The following FAM72D variants were observed in gnomAD, a reference collection of about 807,000 sequenced individuals.
FAM72D encodes the protein RUMY family member 4.
For synonymous variants in FAM72D, 4 were observed against 35.1 expected, an observed-to-expected ratio of 0.11 and a Z score of 3.13; for missense variants, 9 against 104.7, an observed-to-expected ratio of 0.09 and a Z score of 3.99.
chr1:145,107,541 G>A (rs1654984617), intron 3 of FAM72D, among the ~76,000 whole-genome samples: 2 of 126,438 alleles, frequency 1.6e-5, no homozygotes, highest in Non-Finnish European at 3.4e-5. Context: ...GAGTCACCAT[G>A]CCTGGCCTGA....
At chr1:145,102,832 A>T (rs1290040692) in intron 2 of FAM72D, among the ~76,000 whole-genome samples, 175 bp from the exon 3 acceptor site, 2 of 125,274 alleles carry the variant, frequency 1.6e-5, no homozygotes, top group African/African-American at 5.8e-5. Context: ...TCACTTAAAG[A>T]CTGCTTTCCC....
In FAM72D at chr1:145,102,928, CTATT is replaced by C. The variant is rs1205735846; in HGVS notation, c.231-75_231-72del. ...GGAAATGAGATCTAAATTATATGGT[CTATT>C]TATATAAGCAATATGAAAAGACTTA... On this transcript the variant is annotated intron_variant, in intron 2 of 3. Transcript: ENST00000400889. 13 of 495,346 alleles carry C rather than the reference CTATT, an allele frequency of 2.6e-5. No homozygotes were observed. The East Asian group carries it at 4.3e-4, about 16-fold the overall frequency. 30.7% of individuals were successfully genotyped at this position (495,346 alleles called of 1,614,324 possible).
intron 3 of FAM72D, among the ~76,000 whole-genome samples, chr1:145,106,991 C>T (rs1571202223): frequency 2.1e-5 from 2 of 94,224 alleles, no homozygotes; most frequent in Non-Finnish European, 4.0e-5. Context: ...GAGGCCAAGA[C>T]AGATGATCAC....
intron 3 of FAM72D, among the ~76,000 whole-genome samples, chr1:145,107,246 C>CTT (rs71270754): frequency 8.2e-5 from 11 of 133,398 alleles, no homozygotes; most frequent in African/African-American, 2.4e-4. Context: ...AATACTAATT[C>CTT]TTTTTTTTTT....
chr1:145,105,653 A>C (rs1229365160), intron 3 of FAM72D, among the ~76,000 whole-genome samples: 1 of 149,302 alleles, frequency 6.7e-6, no homozygotes, highest in Non-Finnish European at 1.5e-5. Flanking sequence ...CTCCATCTGA[A>C]AAAAAAAAGG....
chr1:145,100,555 G>A (rs1368467149), intron 2 of FAM72D, among the ~76,000 whole-genome samples: 2 of 134,896 alleles, frequency 1.5e-5, no homozygotes, highest in Non-Finnish European at 3.1e-5. Context: ...GCAGTGGCAC[G>A]ATCTCAGCTT....
chr1:145,100,796 C>T lies in FAM72D; in HGVS notation c.230+1731C>T, dbSNP rs140348205. On this transcript the variant is annotated intron_variant, in intron 2 of 3. Coordinates refer to ENST00000400889, the MANE Select transcript of FAM72D (RefSeq NM_207418.3). The stretch of plus-strand genomic sequence containing the variant: ...CGTGAGCCACCGCACCCAGCCCACC[C>T]GGCTAATTTTTGTATTTTTAGTAGA... 5.0e-3 allele frequency among the ~76,000 whole-genome samples: 749 copies of T among 150,844 alleles called. 20 individuals are homozygous for T. The highest frequency in any genetic ancestry group is 7.8e-3 in the Non-Finnish European group (531 of 67,906).
Position 145,104,430 on chromosome 1 carries a change from CA to C in FAM72D, c.355+1303del, listed in dbSNP as rs587761226. Among the ~76,000 whole-genome samples, 130 of 148,942 alleles carry C rather than the reference CA, an allele frequency of 8.7e-4. 1 individual carries two copies. The highest frequency in any genetic ancestry group is 3.1e-3 in the African/African-American group (122 of 39,024). On this transcript the variant is annotated intron_variant, in intron 3 of 3. Coordinates refer to ENST00000400889, the MANE Select transcript of FAM72D (RefSeq NM_207418.3). The stretch of plus-strand genomic sequence containing the variant: ...ATTTTACACATAGTAGAACCTCTTT[CA>C]AAATTGGAGTCAATCCTCTCAAATT...
chr1:145,100,847 G>A (rs1401785767), intron 2 of FAM72D, among the ~76,000 whole-genome samples: 1 of 150,374 alleles, frequency 6.7e-6, no homozygotes, highest in East Asian at 2.0e-4. Context: ...TGTTAGCCAG[G>A]CTGGTCTCAA....
upstream of FAM72D, chr1:145,095,085 GA>G (rs2102523335): frequency 8.3e-7 from 1 of 1,198,854 alleles, no homozygotes; most frequent in South Asian, 1.6e-5. Flanking sequence ...CGGTCTGAGG[GA>G]TTCCGGGCGG....
intron 3 of FAM72D, among the ~76,000 whole-genome samples, chr1:145,107,634 C>T (rs1204895210): frequency 3.8e-5 from 3 of 79,014 alleles, no homozygotes; most frequent in African/African-American, 1.5e-4. Context: ...CTCGGCTCAC[C>T]GCAACCTCCA....
intron 3 of FAM72D, among the ~76,000 whole-genome samples, chr1:145,105,879 G>A (rs1322032737): frequency 7.0e-6 from 1 of 142,996 alleles, no homozygotes; most frequent in Non-Finnish European, 1.5e-5. Flanking sequence ...TTGAACCCGG[G>A]AGGCGGAGGT....
intron 3 of FAM72D, among the ~76,000 whole-genome samples, chr1:145,107,188 T>C (rs587649958): frequency 7.1e-6 from 1 of 141,108 alleles, no homozygotes; most frequent in Non-Finnish European, 1.5e-5. Flanking sequence ...CCAATTCTTT[T>C]AAAAAAAAAA....
Position 145,106,911 on chromosome 1 carries a change from A to G in FAM72D, c.355+3780A>G, listed in dbSNP as rs1251777970. On this transcript the variant is annotated intron_variant, in intron 3 of 3. Coordinates refer to ENST00000400889, the MANE Select transcript of FAM72D (RefSeq NM_207418.3). ...TGTACAATAAACTAAAGCACAATTGAGGTATGCTTATACTAATTATTTTAG... is the reference window on the plus strand; with the variant it reads ...TGTACAATAAACTAAAGCACAATTGGGGTATGCTTATACTAATTATTTTAG... 1.9e-5 allele frequency among the ~76,000 whole-genome samples: 2 copies of G among 106,524 alleles called. 1 individual carries two copies. The highest frequency in any genetic ancestry group is 3.7e-5 in the Non-Finnish European group (2 of 54,792). 69.9% of individuals were successfully genotyped at this position (106,524 alleles called of 152,430 possible).
At chr1:145,100,471 G>T (rs1235112092) in intron 2 of FAM72D, among the ~76,000 whole-genome samples, 1 of 142,240 alleles carries the variant, frequency 7.0e-6, no homozygotes, top group Admixed American at 7.0e-5. Context: ...ACTGGCCTTT[G>T]GACATTATTT....
At chr1:145,107,387 G>A (rs1274180763) in intron 3 of FAM72D, among the ~76,000 whole-genome samples, 2 of 118,388 alleles carry the variant, frequency 1.7e-5, no homozygotes, top group Non-Finnish European at 3.5e-5. Flanking sequence ...CGAGATTACA[G>A]GCATACGCCC....
chr1:145,105,960 A>C (rs1384485314), intron 3 of FAM72D, among the ~76,000 whole-genome samples: 1 of 150,238 alleles, frequency 6.7e-6, no homozygotes, highest in Non-Finnish European at 1.5e-5. Flanking sequence ...CTCAAAAAAA[A>C]AAAAAAGAAA....
intron 3 of FAM72D, among the ~76,000 whole-genome samples, chr1:145,107,150 A>T (rs1235201247): frequency 1.4e-5 from 2 of 147,990 alleles, no homozygotes; most frequent in Non-Finnish European, 3.0e-5. Context: ...AAAAAAAAAA[A>T]AAATTATTTT....
intron 2 of FAM72D, among the ~76,000 whole-genome samples, chr1:145,102,086 G>A (rs1325186666): frequency 1.5e-5 from 2 of 134,134 alleles, no homozygotes; most frequent in Non-Finnish European, 3.2e-5. Context: ...AAATGTGAAA[G>A]ACTGAGGTAC....
Sources: gnomAD v4.1 joint callset for allele counts (sites outside exome capture counted in the v4.1 genomes callset) on GRCh38, gnomAD v4.1.1 for gene constraint, MANE v1.5 for transcripts, NCBI Gene and HGNC (gene_info 2026-07-23, HGNC 2026-07-21) for gene names.